CNTNAP2: variants seen among roughly 807,000 people sequenced by gnomAD.
The protein encoded by CNTNAP2 is contactin associated protein 2.
In CNTNAP2, 98 loss-of-function variants were observed where a neutral mutation model predicts 155.2. That is an observed-to-expected ratio of 0.63 (90% CI 0.54 to 0.75). The LOEUF (loss-of-function observed/expected upper bound fraction) is 0.75, where lower values mean the gene tolerates loss of function less well. Ranked by LOEUF, CNTNAP2 falls within the 30% of genes least tolerant of loss-of-function variation. The probability of loss-of-function intolerance (pLI) is 0.00; values close to 1 mark genes in which losing one functional copy is unlikely to be tolerated. For synonymous variants in CNTNAP2, 651 were observed against 631.2 expected, an observed-to-expected ratio of 1.03 and a Z score of -0.47; for missense variants, 1,727 against 1,688.1, an observed-to-expected ratio of 1.02 and a Z score of -0.40.
At chr7:147,487,528 T>C (rs529328348) in intron 11 of CNTNAP2, among the ~76,000 whole-genome samples, 3 of 152,342 alleles carry the variant, frequency 2.0e-5, no homozygotes, top group African/African-American at 7.2e-5. Flanking sequence ...ATACCATATT[T>C]AATTACACGG....
intron 15 of CNTNAP2, among the ~76,000 whole-genome samples, chr7:148,059,763 A>T (rs1803098515): frequency 6.7e-6 from 1 of 148,918 alleles, no homozygotes; most frequent in Non-Finnish European, 1.5e-5. Flanking sequence ...TTTATATTTA[A>T]ATTATATATA....
chr7:148,103,252 G>A (rs1216031495), intron 15 of CNTNAP2, among the ~76,000 whole-genome samples: 1 of 150,458 alleles, frequency 6.6e-6, no homozygotes, highest in Non-Finnish European at 1.5e-5. Flanking sequence ...TAGGAATACA[G>A]TGGAGGCAGG....
chr7:146,218,465 C>T (rs543510491), intron 1 of CNTNAP2, among the ~76,000 whole-genome samples: 99 of 151,910 alleles, frequency 6.5e-4, no homozygotes, highest in Admixed American at 1.7e-3. Context: ...GCTGAGATCG[C>T]GCCACTGCAC....
chr7:146,707,823 T>C (rs1029668536), intron 1 of CNTNAP2, among the ~76,000 whole-genome samples: 3 of 152,194 alleles, frequency 2.0e-5, no homozygotes, highest in African/African-American at 7.2e-5. Context: ...CTGTAATCCT[T>C]CAAAGGTTAA....
intron 1 of CNTNAP2, among the ~76,000 whole-genome samples, chr7:146,706,458 C>G (rs879613774): frequency 1.3e-5 from 2 of 152,052 alleles, no homozygotes; most frequent in Non-Finnish European, 2.9e-5. Flanking sequence ...AGCTATCTGT[C>G]AAAGTGTTAC....
chr7:146,677,948 C>T (rs1413097268), intron 1 of CNTNAP2, among the ~76,000 whole-genome samples: 1 of 152,054 alleles, frequency 6.6e-6, no homozygotes, highest in Admixed American at 6.6e-5. Flanking sequence ...CTCTCTGGGC[C>T]TGCATACCTC....
At chr7:146,779,583 C>G (rs1280524492) in intron 2 of CNTNAP2, among the ~76,000 whole-genome samples, 1 of 152,206 alleles carries the variant, frequency 6.6e-6, no homozygotes, top group Non-Finnish European at 1.5e-5. Flanking sequence ...CATGCAATCT[C>G]AGTATTTCCC....
chr7:146,587,072 A>T (rs114486325), intron 1 of CNTNAP2, among the ~76,000 whole-genome samples: 2,162 of 151,172 alleles, frequency 0.014, 48 homozygotes, highest in African/African-American at 0.048. Flanking sequence ...CTTCATTTAT[A>T]GTTTTACATT....
intron 14 of CNTNAP2, among the ~76,000 whole-genome samples, chr7:147,909,432 A>T (rs994547516): frequency 6.6e-6 from 1 of 152,208 alleles, no homozygotes; most frequent in Non-Finnish European, 1.5e-5. Flanking sequence ...TGGAGCCAGG[A>T]TAAATGAGAT....
At chr7:147,637,992 G>C (rs1795209664) in intron 12 of CNTNAP2, among the ~76,000 whole-genome samples, 1 of 152,166 alleles carries the variant, frequency 6.6e-6, no homozygotes, top group African/African-American at 2.4e-5. Context: ...CCAAAGGCTT[G>C]ATTCTTCTCT....
intron 13 of CNTNAP2, among the ~76,000 whole-genome samples, chr7:147,660,311 G>T (rs1178812324): frequency 6.6e-6 from 1 of 152,106 alleles, no homozygotes; most frequent in East Asian, 1.9e-4. Context: ...TCCTCCTACA[G>T]TTTTCTGAGC....
chr7:146,183,317 A>G (rs1345876339), intron 1 of CNTNAP2, among the ~76,000 whole-genome samples: 2 of 152,072 alleles, frequency 1.3e-5, no homozygotes, highest in Non-Finnish European at 2.9e-5. Flanking sequence ...CATGGGATTC[A>G]TTAGCTGCAG....
intron 1 of CNTNAP2, among the ~76,000 whole-genome samples, chr7:146,290,436 GTTCT>G (rs753937710): frequency 3.9e-5 from 6 of 152,280 alleles, no homozygotes; most frequent in Non-Finnish European, 8.8e-5. Context: ...TGTTAAGCTG[GTTCT>G]TTAAGAAGCT....
chr7:146,194,428 C>G (rs549611215), intron 1 of CNTNAP2, among the ~76,000 whole-genome samples: 38 of 152,262 alleles, frequency 2.5e-4, no homozygotes, highest in Non-Finnish European at 4.4e-4. Flanking sequence ...GGGAAATTTC[C>G]CTTTATAAAA....
intron 1 of CNTNAP2, among the ~76,000 whole-genome samples, chr7:146,138,827 C>T (rs907906035): frequency 2.6e-5 from 4 of 152,098 alleles, no homozygotes; most frequent in Non-Finnish European, 5.9e-5. Flanking sequence ...AAATGGCTTA[C>T]ATATTCTATG....
intron 11 of CNTNAP2, among the ~76,000 whole-genome samples, chr7:147,500,693 G>A (rs983597732): frequency 1.3e-5 from 2 of 152,058 alleles, no homozygotes; most frequent in South Asian, 2.1e-4. Flanking sequence ...CATCAGACTC[G>A]GAACATACAA....
At chr7:147,529,281 T>C (rs1310206624) in intron 11 of CNTNAP2, among the ~76,000 whole-genome samples, 1 of 152,264 alleles carries the variant, frequency 6.6e-6, no homozygotes, top group Non-Finnish European at 1.5e-5. Context: ...ATACCTGTTC[T>C]GGTGATTCAT....
At chr7:146,402,791 G>A (rs1795732258) in intron 1 of CNTNAP2, among the ~76,000 whole-genome samples, 1 of 152,076 alleles carries the variant, frequency 6.6e-6, no homozygotes, top group African/African-American at 2.4e-5. Flanking sequence ...AACTTTGGCA[G>A]ATTTAATAAT....
rs181409682 is a variant in CNTNAP2, at chr7:147,590,950, T to C, written c.1897+28693T>C. 1.9e-3 allele frequency among the ~76,000 whole-genome samples: 290 copies of C among 152,344 alleles called. 2 individuals carry two copies. The highest frequency in any genetic ancestry group is 3.2e-3 in the Non-Finnish European group (219 of 68,030). On this transcript the variant is annotated intron_variant, in intron 12 of 23. Coordinates refer to ENST00000361727, the MANE Select transcript of CNTNAP2 (RefSeq NM_014141.6). ...CTCCTCCCCTGAGCTTTTATGGTTCTAATAGCATGCTGATATCTCTTCCCA... is the reference window on the plus strand; with the variant it reads ...CTCCTCCCCTGAGCTTTTATGGTTCCAATAGCATGCTGATATCTCTTCCCA...
Sources: allele counts gnomAD v4.1 joint callset (sites outside exome capture counted in the v4.1 genomes callset), GRCh38; gene constraint gnomAD v4.1.1; transcripts MANE v1.5; gene names NCBI Gene and HGNC (gene_info 2026-07-23, HGNC 2026-07-21).